Variants in UNC5D observed in about 807,000 individuals in gnomAD.
The protein encoded by UNC5D is netrin receptor UNC5D.
In UNC5D, 39 loss-of-function variants were observed where a neutral mutation model predicts 105.4. The observed-to-expected ratio is 0.37, with a 90% CI of 0.29 to 0.48. The LOEUF (loss-of-function observed/expected upper bound fraction) is 0.48. Among genes scored for constraint, UNC5D ranks in the 20% least tolerant of loss-of-function variants. The pLI, the probability that UNC5D is intolerant of heterozygous loss-of-function variation, is 0.98. For missense variants in UNC5D, 991 were observed against 1,202.4 expected, an observed-to-expected ratio of 0.82 and a Z score of 2.60; for synonymous variants, 452 against 450.4, an observed-to-expected ratio of 1.00 and a Z score of -0.04.
At chr8:35,668,221 CT>C (rs1824558043) in intron 4 of UNC5D, among the ~76,000 whole-genome samples, 1 of 151,990 alleles carries the variant, frequency 6.6e-6, no homozygotes, top group African/African-American at 2.4e-5. Flanking sequence ...TTTATATGAT[CT>C]ATTCAAGTAC....
intron 2 of UNC5D, among the ~76,000 whole-genome samples, chr8:35,551,317 ATGG>A (rs1350625409): frequency 6.6e-6 from 1 of 152,214 alleles, no homozygotes; most frequent in African/African-American, 2.4e-5. Flanking sequence ...TGAGGTGCTT[ATGG>A]TATATAATGA....
intron 1 of UNC5D, among the ~76,000 whole-genome samples, chr8:35,357,963 A>G (rs1400258187): frequency 6.6e-6 from 1 of 152,094 alleles, no homozygotes; most frequent in East Asian, 1.9e-4. Flanking sequence ...AGATTCCCAT[A>G]TGAGTGACTT....
intron 11 of UNC5D, among the ~76,000 whole-genome samples, chr8:35,747,121 C>T (rs1471607353): frequency 6.6e-6 from 1 of 152,144 alleles, no homozygotes; most frequent in African/African-American, 2.4e-5. Flanking sequence ...GAAGACTGAA[C>T]TTTTTAAAGA....
At chr8:35,543,267 T>G (rs958957807) in intron 1 of UNC5D, among the ~76,000 whole-genome samples, 3 of 152,002 alleles carry the variant, frequency 2.0e-5, no homozygotes, top group Admixed American at 6.6e-5. Flanking sequence ...AGAAAAAAAG[T>G]GATATGTATT....
rs75169701 is a variant in UNC5D, at chr8:35,483,374, A to G, written c.104-65918A>G. Among the ~76,000 whole-genome samples, 1,232 of 152,314 alleles carry G rather than the reference A, an allele frequency of 8.1e-3. 16 individuals carry two copies. The highest frequency in any genetic ancestry group is 0.028 in the African/African-American group (1,172 of 41,572). On this transcript the variant is annotated intron_variant, in intron 1 of 16. Transcript: ENST00000404895. ...GAATTTGCATATCTAACTTGCCATAAATAGTTCAGAATAGTTTATCTTTTT... is the reference window on the plus strand; with the variant it reads ...GAATTTGCATATCTAACTTGCCATAGATAGTTCAGAATAGTTTATCTTTTT...
At chr8:35,504,246 G>T (rs59091238) in intron 1 of UNC5D, among the ~76,000 whole-genome samples, 16,055 of 152,168 alleles carry the variant, frequency 0.11, 1,157 homozygotes, top group East Asian at 0.25. Flanking sequence ...CTGACCTGCC[G>T]TGTGACCTTA....
chr8:35,410,108 G>T (rs897758190), intron 1 of UNC5D, among the ~76,000 whole-genome samples: 1 of 151,866 alleles, frequency 6.6e-6, no homozygotes, highest in Non-Finnish European at 1.5e-5. Flanking sequence ...TTGGATATAT[G>T]TTTAATTGGA....
chr8:35,316,620 T>C (rs1809324759), intron 1 of UNC5D, among the ~76,000 whole-genome samples: 1 of 152,186 alleles, frequency 6.6e-6, no homozygotes, highest in Non-Finnish European at 1.5e-5. Context: ...GGGATTTTGT[T>C]ATCTTACTTG....
At chr8:35,520,844 T>TAA (rs1479751718) in intron 1 of UNC5D, among the ~76,000 whole-genome samples, 1 of 152,142 alleles carries the variant, frequency 6.6e-6, no homozygotes, top group African/African-American at 2.4e-5. Flanking sequence ...GAGTGATGGA[T>TAA]TTATTGTCCT....
At chr8:35,392,996 A>G (rs1275356813) in intron 1 of UNC5D, among the ~76,000 whole-genome samples, 2 of 152,046 alleles carry the variant, frequency 1.3e-5, no homozygotes, top group Non-Finnish European at 1.5e-5. Context: ...TTTTTAAAAA[A>G]TCTTTTCTGG....
chr8:35,658,074 T>A (rs2131216581), intron 4 of UNC5D, among the ~76,000 whole-genome samples: 1 of 152,354 alleles, frequency 6.6e-6, no homozygotes, highest in South Asian at 2.1e-4. Flanking sequence ...GTATTTTTAA[T>A]ATCTAATCCC....
intron 1 of UNC5D, among the ~76,000 whole-genome samples, chr8:35,511,570 G>A (rs1021450015): frequency 1.3e-5 from 2 of 151,756 alleles, no homozygotes; most frequent in South Asian, 2.1e-4. Flanking sequence ...GAAAACAAAG[G>A]TCGAGAGGAG....
intron 1 of UNC5D, among the ~76,000 whole-genome samples, chr8:35,326,562 C>T (rs1394019838): frequency 6.6e-6 from 1 of 152,038 alleles, no homozygotes; most frequent in Non-Finnish European, 1.5e-5. Context: ...AGAGACTAGC[C>T]TGGGCAGCAT....
chr8:35,538,395 T>TTA (rs10524805), intron 1 of UNC5D, among the ~76,000 whole-genome samples: 2,135 of 81,948 alleles, frequency 0.026, 41 homozygotes, highest in Non-Finnish European at 0.039. Flanking sequence ...AAAAAAATAA[T>TTA]TATATATATA....
intron 1 of UNC5D, among the ~76,000 whole-genome samples, chr8:35,323,270 A>C (rs986567694): frequency 1.3e-5 from 2 of 151,468 alleles, no homozygotes; most frequent in African/African-American, 4.9e-5. Context: ...ACCATATAAA[A>C]GTAATCAGGA....
intron 4 of UNC5D, among the ~76,000 whole-genome samples, chr8:35,664,246 A>G (rs537723783): frequency 6.6e-5 from 10 of 152,206 alleles, no homozygotes; most frequent in Non-Finnish European, 1.3e-4. Context: ...ATTGATGATG[A>G]TTCTACAGAT....
intron 1 of UNC5D, among the ~76,000 whole-genome samples, chr8:35,484,544 C>T (rs1436102605): frequency 2.0e-5 from 3 of 152,132 alleles, no homozygotes; most frequent in Non-Finnish European, 2.9e-5. Flanking sequence ...AATAGTGTCA[C>T]ACCACTCCTC....
intron 4 of UNC5D, among the ~76,000 whole-genome samples, chr8:35,618,804 C>A (rs1821178377): frequency 6.6e-6 from 1 of 152,182 alleles, no homozygotes; most frequent in Admixed American, 6.5e-5. Flanking sequence ...CACTACCTGA[C>A]ACTTTGTTAA....
chr8:35,494,970 G>T (rs759017255), intron 1 of UNC5D, among the ~76,000 whole-genome samples: 1 of 151,952 alleles, frequency 6.6e-6, no homozygotes, highest in African/African-American at 2.4e-5. Flanking sequence ...CCACAGGGTG[G>T]CCTCTAAGGC....
Sources: allele counts gnomAD v4.1 joint callset (sites outside exome capture counted in the v4.1 genomes callset), GRCh38; gene constraint gnomAD v4.1.1; transcripts MANE v1.5; gene names NCBI Gene and HGNC (gene_info 2026-07-23, HGNC 2026-07-21).